Variants in CNTNAP2 observed in about 807,000 individuals in gnomAD.
The protein encoded by CNTNAP2 is contactin-associated protein-like 2.
CNTNAP2 carries 98 observed loss-of-function variants against 155.2 expected under a neutral mutation model. The ratio of observed to expected loss-of-function variants is 0.63; its 90% CI spans 0.54 to 0.75. CNTNAP2 has a LOEUF of 0.75. Ranked by LOEUF, CNTNAP2 falls within the 30% of genes least tolerant of loss-of-function variation. The probability of loss-of-function intolerance (pLI) is 0.00; values close to 1 mark genes in which losing one functional copy is unlikely to be tolerated. For missense variants in CNTNAP2, 1,727 were observed against 1,688.1 expected, an observed-to-expected ratio of 1.02 and a Z score of -0.40; for synonymous variants, 651 against 631.2, an observed-to-expected ratio of 1.03 and a Z score of -0.47.
intron 3 of CNTNAP2, among the ~76,000 whole-genome samples, chr7:147,016,688 C>G (rs1271986583): frequency 6.6e-6 from 1 of 152,008 alleles, no homozygotes; most frequent in African/African-American, 2.4e-5. Flanking sequence ...TGAGAGGTGA[C>G]TTTTGACAGA....
intron 1 of CNTNAP2, among the ~76,000 whole-genome samples, chr7:146,736,928 T>C (rs187348832): frequency 1.1e-4 from 17 of 151,746 alleles, no homozygotes; most frequent in East Asian, 5.8e-4. Context: ...TATACACACA[T>C]ATATATATAT....
At chr7:146,633,763 G>C (rs891681416) in intron 1 of CNTNAP2, among the ~76,000 whole-genome samples, 2 of 147,544 alleles carry the variant, frequency 1.4e-5, no homozygotes, top group African/African-American at 2.5e-5. Flanking sequence ...CCGGGAGACG[G>C]AGTCTGCAGT....
At chr7:147,627,715 G>A (rs1013710359) in intron 12 of CNTNAP2, among the ~76,000 whole-genome samples, 2,982 of 118,452 alleles carry the variant, frequency 0.025, 128 homozygotes, top group African/African-American at 0.098. Flanking sequence ...AAAAAAAAAA[G>A]ATATTAAAAC....
intron 14 of CNTNAP2, among the ~76,000 whole-genome samples, chr7:147,944,637 G>T (rs776984001): frequency 1.1e-4 from 16 of 152,150 alleles, no homozygotes; most frequent in Non-Finnish European, 2.2e-4. Flanking sequence ...ATTAAAATCG[G>T]TAATTACTTT....
intron 1 of CNTNAP2, among the ~76,000 whole-genome samples, chr7:146,561,581 C>T (rs1020263166): frequency 3.3e-5 from 5 of 152,174 alleles, no homozygotes; most frequent in East Asian, 1.9e-4. Context: ...GTCGCTTGAC[C>T]TAGGGAGTTC....
chr7:148,331,367 GGGATGGAGT>G (rs1340643146), intron 21 of CNTNAP2, among the ~76,000 whole-genome samples: 9 of 50,698 alleles, frequency 1.8e-4, no homozygotes, highest in South Asian at 6.5e-4. Flanking sequence ...ATGGAGTGGA[GGGATGGAGT>G]GGATGGAGTG....
intron 12 of CNTNAP2, among the ~76,000 whole-genome samples, chr7:147,567,808 G>A (rs1053916249): frequency 3.3e-5 from 5 of 152,226 alleles, no homozygotes; most frequent in Non-Finnish European, 5.9e-5. Context: ...ATCTTTGGCC[G>A]GGCACGGCGG....
intron 10 of CNTNAP2, among the ~76,000 whole-genome samples, chr7:147,405,097 A>G (rs1289777459): frequency 6.6e-6 from 1 of 152,210 alleles, no homozygotes; most frequent in Non-Finnish European, 1.5e-5. Context: ...TGACATTTAA[A>G]TCCCAAGGAA....
chr7:146,584,982 T>C (rs1198162048), intron 1 of CNTNAP2, among the ~76,000 whole-genome samples: 1 of 152,126 alleles, frequency 6.6e-6, no homozygotes, highest in South Asian at 2.1e-4. Flanking sequence ...TGGGGCCCTA[T>C]TCCTTCACAC....
intron 1 of CNTNAP2, among the ~76,000 whole-genome samples, chr7:146,422,899 T>C (rs1796033014): frequency 6.6e-6 from 1 of 152,182 alleles, no homozygotes; most frequent in South Asian, 2.1e-4. Context: ...ATATATGTAG[T>C]GCATCATAAG....
chr7:147,287,773 A>G (rs1038911284), intron 8 of CNTNAP2, among the ~76,000 whole-genome samples: 2 of 151,974 alleles, frequency 1.3e-5, no homozygotes, highest in Admixed American at 6.6e-5. Context: ...AATGGCATCA[A>G]TTTCCACTCA....
At chr7:148,126,532 T>G (rs1364543505) in intron 16 of CNTNAP2, among the ~76,000 whole-genome samples, 1 of 152,190 alleles carries the variant, frequency 6.6e-6, no homozygotes, top group Non-Finnish European at 1.5e-5. Flanking sequence ...GAAAGCAGTT[T>G]GGGCGGTAAG....
intron 3 of CNTNAP2, among the ~76,000 whole-genome samples, chr7:147,018,094 T>G (rs1798755515): frequency 6.6e-6 from 1 of 152,150 alleles, no homozygotes; most frequent in African/African-American, 2.4e-5. Flanking sequence ...CAGTGTTTTG[T>G]AAACAAGTTT....
At chr7:146,147,185 C>G (rs1797969618) in intron 1 of CNTNAP2, among the ~76,000 whole-genome samples, 1 of 152,116 alleles carries the variant, frequency 6.6e-6, no homozygotes, top group Non-Finnish European at 1.5e-5. Context: ...CTTTAAAATA[C>G]TGTTGTTAAG....
intron 1 of CNTNAP2, among the ~76,000 whole-genome samples, chr7:146,650,225 A>C (rs914609822): frequency 3.9e-5 from 6 of 152,162 alleles, no homozygotes; most frequent in African/African-American, 7.2e-5. Flanking sequence ...AAATCATTCT[A>C]CTATAAAGAC....
At position 146,254,287 on chromosome 7, in the gene CNTNAP2, A is replaced by G. The variant is rs1249567582; in HGVS notation, c.97+137314A>G. On this transcript the variant is annotated intron_variant, in intron 1 of 23. Coordinates refer to ENST00000361727, the MANE Select transcript of CNTNAP2 (RefSeq NM_014141.6). ...TGGTTTACTCATCCCCAGTTTTCCA[A>G]TCCATCAATAAGGATAGCCTCAATT... Among the ~76,000 whole-genome samples the G allele has an allele frequency of 2.6e-5, 4 of 152,178 alleles. No homozygotes were observed. The East Asian group carries it at 7.7e-4, about 29-fold the overall frequency.
chr7:146,596,468 C>G (rs774514043), intron 1 of CNTNAP2, among the ~76,000 whole-genome samples: 1 of 151,842 alleles, frequency 6.6e-6, no homozygotes, highest in Non-Finnish European at 1.5e-5. Context: ...GCTGATGAGG[C>G]TAAGCCCTAA....
In CNTNAP2 at chr7:146,809,365, T is replaced by C. The variant is rs1803023754; in HGVS notation, c.209-30346T>C. Among the ~76,000 whole-genome samples, 3 of 151,596 alleles carry C rather than the reference T, an allele frequency of 2.0e-5. No individual in the cohort carries two copies. In the South Asian group the frequency reaches 6.3e-4, roughly 32 times the overall value. On this transcript the variant is annotated intron_variant, in intron 2 of 23. Coordinates refer to ENST00000361727, the MANE Select transcript of CNTNAP2 (RefSeq NM_014141.6). ...GGCCATTTGGTTTTTCATTTGTTTG[T>C]TTTGTTTTGTTTTTGAGATGGAGCC...
At chr7:146,475,335 C>G (rs1796862161) in intron 1 of CNTNAP2, among the ~76,000 whole-genome samples, 1 of 152,014 alleles carries the variant, frequency 6.6e-6, no homozygotes, top group Non-Finnish European at 1.5e-5. Flanking sequence ...ATTGGTAGAA[C>G]AGAGGAAATT....
Sources: allele counts gnomAD v4.1 joint callset (sites outside exome capture counted in the v4.1 genomes callset), GRCh38; gene constraint gnomAD v4.1.1; transcripts MANE v1.5; gene names NCBI Gene and HGNC (gene_info 2026-07-23, HGNC 2026-07-21).